The following SLC6A13 variants were observed in gnomAD, a reference collection of about 807,000 sequenced individuals.
SLC6A13 encodes the protein solute carrier family 6 member 13, also known as sodium- and chloride-dependent GABA transporter 2.
In SLC6A13, 69 loss-of-function variants were observed where a neutral mutation model predicts 72.9. That is an observed-to-expected ratio of 0.95 (90% CI 0.78 to 1.16). SLC6A13 has a LOEUF of 1.16. SLC6A13 is among the 50% of genes most tolerant of loss of function. The probability of loss-of-function intolerance (pLI) is 0.00; values close to 1 mark genes in which losing one functional copy is unlikely to be tolerated. For missense variants in SLC6A13, 735 were observed against 760.5 expected (o/e 0.97, Z 0.39); for synonymous variants, 303 against 303.0 (o/e 1.00, Z 0.00).
At position 250,403 on chromosome 12, in the gene SLC6A13, C is replaced by CA. The variant is rs143411571; in HGVS notation, c.203-6591dup. ...CAATGAAAATCCTTTGGAATGCACA[C>CA]AAAAAAAAACCTATTAGAACCAATC... On this transcript the variant is annotated intron_variant, in intron 2 of 14. Coordinates refer to ENST00000343164, the MANE Select transcript of SLC6A13 (RefSeq NM_016615.5). Among the ~76,000 whole-genome samples the CA allele has an allele frequency of 3.7e-4, 55 of 150,570 alleles. No individual in the cohort carries two copies. The South Asian group carries it at 4.8e-3, about 13-fold the overall frequency.
rs1206034551 is a variant in SLC6A13 at position 260,042 on chromosome 12, C to T, written c.11G>A (p.Arg4Lys). The change falls in exon 2 of 15, where the codon AGG becomes AAG. Residue 4 changes from arginine (R) to lysine (K), a missense_variant. By Grantham distance (26) the Arg-to-Lys change is conservative. Coordinates refer to ENST00000343164, the MANE Select transcript of SLC6A13 (RefSeq NM_016615.5). Reference sequence around the variant, plus strand: ...TCCATTACTGGTTGTGCCTGAGACCCTGCTATCCATCCCACCTGGAAAACA... The same window carrying T: ...TCCATTACTGGTTGTGCCTGAGACCTTGCTATCCATCCCACCTGGAAAACA... MDSRVSGTTSNGET... is the reference protein window; with the variant it reads MDSKVSGTTSNGET... 1.2e-6 allele frequency: 2 copies of T among 1,612,672 alleles called. No individual in the cohort carries two copies. Among genetic ancestry groups the T allele is most frequent in the Admixed American group, 3.3e-5 (2 of 60,010 alleles).
chr12:235,308 G>C, intron 6 of SLC6A13, 84 bp from the exon 7 acceptor site: 1 of 1,388,024 alleles, frequency 7.2e-7, no homozygotes, highest in East Asian at 2.3e-5. Context: ...GCAGGGGCAA[G>C]AGCTCCTCAG....
At chr12:245,843 C>T (rs1464137766) in intron 2 of SLC6A13, among the ~76,000 whole-genome samples, 1 of 151,128 alleles carries the variant, frequency 6.6e-6, no homozygotes, top group Non-Finnish European at 1.5e-5. Context: ...ATTAGCTGGG[C>T]GCGGTGGCTC....
intron 2 of SLC6A13, chr12:259,055 ACG>A: frequency 1.3e-5 from 2 of 149,818 alleles, no homozygotes; most frequent in Admixed American, 6.6e-5. Context: ...TTGGTTATCA[ACG>A]TCATCATCAG....
chr12:227,773 G>A lies in SLC6A13; in HGVS notation c.832-105C>T, dbSNP rs78830217. The A allele has an allele frequency of 2.2e-3, 2,029 of 943,156 alleles. 32 individuals are homozygous for A. In the East Asian group the frequency reaches 0.048, roughly 22 times the overall value. The allele number at this position is 943,156 out of a possible 1,614,324, so 58.4% of individuals were successfully genotyped here. A position where few individuals can be genotyped will look rare whatever the true frequency, so the allele number is the denominator to read the frequency against. ...CTGAGCCAGACACTGGCTAGGGATG[G>A]CGAGAAACCTGTTCTCAGCCAACAC... On this transcript the variant is annotated intron_variant, in intron 7 of 14. Transcript: ENST00000343164.
chr12:226,603 T>A (rs1477831075), intron 8 of SLC6A13, 89 bp from the exon 9 acceptor site: 1 of 1,479,184 alleles, frequency 6.8e-7, no homozygotes, highest in African/African-American at 1.4e-5. Context: ...GCACAGCCCC[T>A]CCTGGCGGAC....
rs137977371 is a variant in SLC6A13 at position 237,247 on chromosome 12, C to T, written c.607G>A (p.Ala203Thr). 5 of 1,613,634 alleles carry T rather than the reference C, an allele frequency of 3.1e-6. No individual in the cohort carries two copies. Among genetic ancestry groups the T allele is most frequent in the African/African-American group, 2.7e-5 (2 of 74,932 alleles). Residue 203 changes from alanine (A) to threonine (T), a missense_variant, in exon 6 of 15, where the codon GCC (alanine) becomes ACC (threonine). Coordinates refer to ENST00000343164, the MANE Select transcript of SLC6A13 (RefSeq NM_016615.5). Reference sequence around the variant, plus strand: ...CACAGAGCCAGCTCCCAGCGCAGGGCCCCCAGGTGCTGGATCCCATCAGAG... The same window carrying T: ...CACAGAGCCAGCTCCCAGCGCAGGGTCCCCAGGTGCTGGATCCCATCAGAG... The part of the protein sequence containing the change: ...KISDGIQHLG[A>T]LRWELALCLL...
chr12:251,558 T>G (rs560178571), intron 2 of SLC6A13, among the ~76,000 whole-genome samples: 1 of 152,290 alleles, frequency 6.6e-6, no homozygotes, highest in East Asian at 1.9e-4. Flanking sequence ...GGCAAAGATC[T>G]CTTTATATGA....
rs186468757 is a variant in SLC6A13 at position 235,873 on chromosome 12, G to A, written c.697-649C>T. ...CCTGGGGGGAGGTCTATAAATGGCC[G>A]CTCTGGGAATGTCTGTCTTATGCAG... On this transcript the variant is annotated intron_variant, in intron 6 of 14. Coordinates refer to ENST00000343164, the MANE Select transcript of SLC6A13 (RefSeq NM_016615.5). 3.0e-4 allele frequency among the ~76,000 whole-genome samples: 46 copies of A among 152,202 alleles called. No individual in the cohort carries two copies. The South Asian group carries it at 4.2e-3, about 14-fold the overall frequency.
chr12:259,943 T>G lies in SLC6A13; in HGVS notation c.110A>C (p.Asn37Thr), dbSNP rs1283895282. Residue 37 changes from asparagine to threonine, a missense_variant, in exon 2 of 15, where the codon AAC becomes ACC. Physicochemically the swap from Asn to Thr is moderately conservative, Grantham distance 65. Coordinates refer to ENST00000343164, the MANE Select transcript of SLC6A13 (RefSeq NM_016615.5). Reference protein sequence around the residue: ...DGTLERGHWNNKMEFVLSVAG... With the variant: ...DGTLERGHWNTKMEFVLSVAG... ...CACTGACAGCACAAACTCCATCTTGTTGTTCCAGTGCCCCCGCTCCAGGGT... is the reference window on the plus strand; with the variant it reads ...CACTGACAGCACAAACTCCATCTTGGTGTTCCAGTGCCCCCGCTCCAGGGT... 2 of 1,614,112 alleles carry G rather than the reference T, an allele frequency of 1.2e-6. No homozygotes were observed. Among genetic ancestry groups the G allele is most frequent in the Non-Finnish European group, 1.7e-6 (2 of 1,180,036 alleles).
Position 236,414 on chromosome 12 carries a change from T to C in SLC6A13, c.696+744A>G, listed in dbSNP as rs374868127. ...TTATTTCTCAGCCAGCCGACACTTA[T>C]GGAAAATAGAAAGAACCTACTTTGA... On this transcript the variant is annotated intron_variant, in intron 6 of 14. Transcript: ENST00000343164. Among the ~76,000 whole-genome samples the C allele has an allele frequency of 1.5e-4, 23 of 152,326 alleles. No individual in the cohort carries two copies. The East Asian group carries it at 2.3e-3, about 15-fold the overall frequency.
chr12:224,791 C>G (rs1373147685), intron 9 of SLC6A13, among the ~76,000 whole-genome samples: 1 of 152,224 alleles, frequency 6.6e-6, no homozygotes, highest in Non-Finnish European at 1.5e-5. Flanking sequence ...GACTCCAGAT[C>G]TCCAGATCTA....
chr12:238,904 C>T (rs1428042441), intron 4 of SLC6A13, among the ~76,000 whole-genome samples: 2 of 151,992 alleles, frequency 1.3e-5, no homozygotes, highest in African/African-American at 2.4e-5. Flanking sequence ...TTGTTCCCCT[C>T]GTGGAATCTC....
At chr12:233,030 G>A (rs962155668) in intron 7 of SLC6A13, among the ~76,000 whole-genome samples, 6 of 152,214 alleles carry the variant, frequency 3.9e-5, no homozygotes, top group African/African-American at 4.8e-5. Context: ...GCTGGTGCCC[G>A]ACTATTTTAA....
chr12:260,141 G>A, intron 1 of SLC6A13, 84 bp from the exon 2 acceptor site: 1 of 1,411,466 alleles, frequency 7.1e-7, no homozygotes, highest in Non-Finnish European at 9.8e-7. Context: ...AAATCCATAA[G>A]GGAATGAATG....
chr12:261,934 G>GAA (rs5795911), intron 1 of SLC6A13, among the ~76,000 whole-genome samples: 6 of 136,836 alleles, frequency 4.4e-5, no homozygotes, highest in Admixed American at 2.9e-4. Flanking sequence ...TCAAAAAAAA[G>GAA]AAAAAAAAAA....
chr12:238,419 C>G (rs1942023564), intron 4 of SLC6A13: 16 of 1,018,962 alleles, frequency 1.6e-5, no homozygotes, highest in Non-Finnish European at 2.2e-5. Flanking sequence ...GGCTTGAATG[C>G]TGACCCCACG....
intron 7 of SLC6A13, among the ~76,000 whole-genome samples, chr12:228,784 A>G (rs1591827591): frequency 6.6e-6 from 1 of 152,072 alleles, no homozygotes; most frequent in Non-Finnish European, 1.5e-5. Context: ...CAGGCTGACC[A>G]CCTCAGAATC....
chr12:231,634 C>A (rs974310162), intron 7 of SLC6A13, among the ~76,000 whole-genome samples: 10 of 152,202 alleles, frequency 6.6e-5, no homozygotes, highest in Non-Finnish European at 7.3e-5. Context: ...CACAGATGCT[C>A]CCTGCACAGC....
Sources: gnomAD v4.1 joint callset for allele counts (sites outside exome capture counted in the v4.1 genomes callset) on GRCh38, gnomAD v4.1.1 for gene constraint, MANE v1.5 for transcripts, NCBI Gene and HGNC (gene_info 2026-07-23, HGNC 2026-07-21) for gene names.